The following DNAH14 variants were observed in gnomAD, a reference collection of about 807,000 sequenced individuals.
DNAH14 encodes axonemal beta dynein heavy chain 14.
In DNAH14, 478 loss-of-function variants were observed where a neutral mutation model predicts 520.9. The ratio of observed to expected loss-of-function variants is 0.92; its 90% CI spans 0.85 to 0.99. The LOEUF (loss-of-function observed/expected upper bound fraction) is 0.99, where lower values mean the gene tolerates loss of function less well. Ranked by LOEUF, DNAH14 falls within the 50% of genes least tolerant of loss-of-function variation. The probability of loss-of-function intolerance (pLI) is 0.00; values close to 1 mark genes in which losing one functional copy is unlikely to be tolerated. For synonymous variants in DNAH14, 1,581 were observed against 1,757.2 expected (o/e 0.90, Z 2.51); for missense variants, 4,831 against 5,234.5 (o/e 0.92, Z 2.38).
intron 55 of DNAH14, among the ~76,000 whole-genome samples, chr1:225,299,722 C>T (rs2094099643): frequency 6.6e-6 from 1 of 152,182 alleles, no homozygotes; most frequent in African/African-American, 2.4e-5. Context: ...GGATCTGTTT[C>T]CCACACTTTC....
At chr1:225,026,199 CT>C in intron 11 of DNAH14, among the ~76,000 whole-genome samples, 1 of 150,714 alleles carries the variant, frequency 6.6e-6, no homozygotes, top group South Asian at 2.1e-4. Context: ...GTCTTCTTTT[CT>C]TTTTTTAATA....
intron 64 of DNAH14, among the ~76,000 whole-genome samples, chr1:225,326,598 A>C (rs2094676595): frequency 6.6e-6 from 1 of 152,192 alleles, no homozygotes. Flanking sequence ...ACTGAATATC[A>C]GCCCTATTTC....
At chr1:225,291,545 T>G (rs2150005865) in intron 55 of DNAH14, among the ~76,000 whole-genome samples, 1 of 152,220 alleles carries the variant, frequency 6.6e-6, no homozygotes, top group Non-Finnish European at 1.5e-5. Context: ...GCCTCCCAAG[T>G]AGCTGAGACT....
chr1:225,277,370 G>T, intron 53 of DNAH14, 40 bp from the exon 54 acceptor site: 2 of 440,536 alleles, frequency 4.5e-6, no homozygotes, highest in Non-Finnish European at 9.5e-6. Flanking sequence ...TGATTTTTCT[G>T]TACCTATAAT....
In DNAH14 at chr1:225,335,745, A is replaced by ATTCATAAG. The variant is rs1354639675; in HGVS notation, c.10081-1520_10081-1519insTCATAAGT. ...TATATACATATGTGCATATATGTAT[A>ATTCATAAG]TACGCATATATACATACATGTGCAT... On this transcript the variant is annotated intron_variant, in intron 66 of 85. Transcript: ENST00000682510. 6.7e-5 allele frequency among the ~76,000 whole-genome samples: 5 copies of ATTCATAAG among 74,512 alleles called. 1 individual carries two copies. The highest frequency in any genetic ancestry group is 1.3e-4 in the Non-Finnish European group (5 of 37,156). 48.9% of individuals were successfully genotyped at this position (74,512 alleles called of 152,430 possible).
Position 225,207,195 on chromosome 1 carries a change from G to A in DNAH14, c.6414G>A (p.Met2138Ile). The A allele has an allele frequency of 6.5e-7, 1 of 1,528,592 alleles. No individual in the cohort carries two copies. Among genetic ancestry groups the A allele is most frequent in the Non-Finnish European group, 8.8e-7 (1 of 1,136,222 alleles). The allele number at this position is 1,528,592 out of a possible 1,614,324, so 94.7% of individuals were successfully genotyped here. Reference protein sequence around the residue: ...CRILDAFFDFMGKNGGFEQSD... With the variant: ...CRILDAFFDFIGKNGGFEQSD... The stretch of plus-strand genomic sequence containing the variant: ...TTCTTGATGCTTTCTTTGACTTCAT[G>A]GGTAAAAATGGAGGATTTGAACAAA... Residue 2138 changes from methionine to isoleucine, a missense_variant, in exon 41 of 86, where the codon ATG becomes ATA. Met to Ile is a conservative substitution (Grantham distance 10). Transcript: ENST00000682510.
At chr1:225,368,073 A>G (rs1471626686) in intron 77 of DNAH14, 41 bp downstream of exon 77, 54 of 1,464,808 alleles carry the variant, frequency 3.7e-5, no homozygotes, top group African/African-American at 8.5e-5. Flanking sequence ...ATAAGTAACA[A>G]TAAGATACAA....
At chr1:225,373,409 G>A (rs2095643924) in intron 77 of DNAH14, among the ~76,000 whole-genome samples, 2 of 151,568 alleles carry the variant, frequency 1.3e-5, no homozygotes, top group African/African-American at 2.4e-5. Flanking sequence ...AGGTTGCAGT[G>A]AGCCGAGGTC....
At position 225,333,431 on chromosome 1, in the gene DNAH14, G is replaced by T; in HGVS notation, c.10005G>T (p.Glu3335Asp). 1 of 1,551,426 alleles carries T rather than the reference G, an allele frequency of 6.4e-7. No individual in the cohort carries two copies. The highest frequency in any genetic ancestry group is 8.7e-7 in the Non-Finnish European group (1 of 1,146,844). The change falls in exon 66 of 86, where the codon GAG becomes GAT. Residue 3335 changes from glutamate to aspartate, a missense_variant. Transcript: ENST00000682510. ...EFRQLIVNKW[E>D]TFCIENGISL... ...GCCAGTTGATTGTGAATAAATGGGAGACATTCTGCATTGAAAATGGCATTT... is the reference window on the plus strand; with the variant it reads ...GCCAGTTGATTGTGAATAAATGGGATACATTCTGCATTGAAAATGGCATTT...
intron 68 of DNAH14, among the ~76,000 whole-genome samples, chr1:225,339,540 C>T (rs2095136373): frequency 6.6e-6 from 1 of 152,060 alleles, no homozygotes; most frequent in Admixed American, 6.5e-5. Flanking sequence ...CTGCATTAAC[C>T]CATTCTTTTT....
At chr1:224,953,005 C>A in intron 2 of DNAH14, 4 of 300,528 alleles carry the variant, frequency 1.3e-5, no homozygotes, top group South Asian at 7.1e-5. Context: ...CTTGGATATG[C>A]CAAAAAAGTG....
Position 224,968,830 on chromosome 1 carries a change from A to C in DNAH14, c.723A>C (p.Arg241Ser). 6.5e-7 allele frequency: 1 copy of C among 1,545,324 alleles called. No individual in the cohort carries two copies. Among genetic ancestry groups the C allele is most frequent in the Non-Finnish European group, 8.7e-7 (1 of 1,144,820 alleles). The stretch of plus-strand genomic sequence containing the variant: ...CTTTGGAATGGCTATCAGAAAGAAG[A>C]CATTACTATTTATTACGGCAATTCA... Reference protein sequence around the residue: ...IPTLEWLSERRHYYLLRQFKI... With the variant: ...IPTLEWLSERSHYYLLRQFKI... Residue 241 changes from arginine (R) to serine (S), a missense_variant, in exon 7 of 86, where the codon AGA (arginine) becomes AGC (serine). Transcript: ENST00000682510.
At chr1:225,106,449 TC>T (rs2076055287) in intron 23 of DNAH14, among the ~76,000 whole-genome samples, 1 of 152,196 alleles carries the variant, frequency 6.6e-6, no homozygotes, top group African/African-American at 2.4e-5. Flanking sequence ...ATTGGGAAGT[TC>T]TCCTGGATAA....
chr1:225,368,150 A>G, intron 77 of DNAH14, 118 bp downstream of exon 77: 2 of 914,720 alleles, frequency 2.2e-6, no homozygotes, highest in Non-Finnish European at 1.6e-6. Context: ...AATGAACTCT[A>G]TAACTAGGCA....
At chr1:225,266,604 C>T (rs41303313) in intron 48 of DNAH14, 37 bp from the exon 49 acceptor site, 3 of 1,373,490 alleles carry the variant, frequency 2.2e-6, no homozygotes, top group Non-Finnish European at 2.9e-6. Flanking sequence ...GAAAGGTGTA[C>T]TAATATATAT....
chr1:225,362,801 G>GA (rs2095507965), intron 75 of DNAH14, among the ~76,000 whole-genome samples: 1 of 151,746 alleles, frequency 6.6e-6, no homozygotes, highest in Non-Finnish European at 1.5e-5. Flanking sequence ...AAAATGTGAA[G>GA]AAAAAAACAT....
chr1:225,369,073 A>G (rs1282277801), intron 77 of DNAH14, among the ~76,000 whole-genome samples: 1 of 152,220 alleles, frequency 6.6e-6, no homozygotes, highest in African/African-American at 2.4e-5. Context: ...TTTAAATCAG[A>G]AAATGAATTC....
intron 8 of DNAH14, among the ~76,000 whole-genome samples, chr1:224,997,365 T>C (rs1484459024): frequency 6.6e-6 from 1 of 152,192 alleles, no homozygotes; most frequent in Non-Finnish European, 1.5e-5. Context: ...AACTGAGCCA[T>C]CTTGGGGAAA....
chr1:225,083,358 G>A (rs1275724336), intron 20 of DNAH14, among the ~76,000 whole-genome samples: 1 of 151,960 alleles, frequency 6.6e-6, no homozygotes, highest in Non-Finnish European at 1.5e-5. Flanking sequence ...ATGATCTGTT[G>A]TAATGAGGAA....
Sources: allele counts gnomAD v4.1 joint callset (sites outside exome capture counted in the v4.1 genomes callset), GRCh38; gene constraint gnomAD v4.1.1; transcripts MANE v1.5; gene names NCBI Gene and HGNC (gene_info 2026-07-23, HGNC 2026-07-21).